Variants in STPG2 observed in about 807,000 individuals in gnomAD.
The protein encoded by STPG2 is sperm tail PG-rich repeat containing 2, also known as sperm-tail PG-rich repeat-containing protein 2.
In STPG2, 56 loss-of-function variants were observed where a neutral mutation model predicts 54.2. That is an observed-to-expected ratio of 1.03 (90% CI 0.83 to 1.29). The LOEUF (loss-of-function observed/expected upper bound fraction) is 1.29. Ranked by LOEUF, STPG2 falls within the 50% of genes most tolerant of loss-of-function variation. The probability of loss-of-function intolerance (pLI) is 0.00; values close to 1 mark genes in which losing one functional copy is unlikely to be tolerated. For synonymous variants in STPG2, 200 were observed against 181.8 expected (o/e 1.10, Z -0.81); for missense variants, 596 against 544.9 (o/e 1.09, Z -0.93).
Position 97,496,784 on chromosome 4 carries a change from T to C in STPG2, c.462+215915A>G, listed in dbSNP as rs375132323. Among the ~76,000 whole-genome samples, 22 of 151,834 alleles carry C rather than the reference T, an allele frequency of 1.4e-4. No homozygotes were observed. The East Asian group carries it at 2.0e-3, about 13-fold the overall frequency. ...TAATAATCTCCTACAAATGTACCTT[T>C]GGTTATGCTTTGACTTTGCTGAAAG... On this transcript the variant is annotated intron_variant, in intron 4 of 4. Coordinates refer to the STPG2 transcript ENST00000522676.
intron 5 of STPG2, among the ~76,000 whole-genome samples, chr4:97,993,327 T>A (rs1735081347): frequency 6.6e-6 from 1 of 152,158 alleles, no homozygotes; most frequent in South Asian, 2.1e-4. Flanking sequence ...TTTTTCTGTG[T>A]CTATTGAGAT....
chr4:97,472,179 CAG>C (rs1285567924), intron 4 of STPG2, among the ~76,000 whole-genome samples: 1 of 152,102 alleles, frequency 6.6e-6, no homozygotes, highest in Non-Finnish European at 1.5e-5. Context: ...TAAATAGAAA[CAG>C]AGAACCACAA....
intron 10 of STPG2, among the ~76,000 whole-genome samples, chr4:97,638,226 A>G (rs947065795): frequency 6.6e-6 from 1 of 152,178 alleles, no homozygotes; most frequent in Non-Finnish European, 1.5e-5. Flanking sequence ...CAAACCTGAC[A>G]AAAACAAGCA....
intron 9 of STPG2, 93 bp downstream of exon 9, chr4:97,840,680 A>G (rs1282740301): frequency 7.2e-7 from 1 of 1,395,056 alleles, no homozygotes; most frequent in African/African-American, 1.5e-5. Context: ...TTAACTTTTC[A>G]GTCTCCAAGA....
At chr4:97,851,358 A>G (rs541296530) in intron 8 of STPG2, among the ~76,000 whole-genome samples, 2 of 152,256 alleles carry the variant, frequency 1.3e-5, no homozygotes, top group South Asian at 2.1e-4. Flanking sequence ...GTATCTGTCT[A>G]CCTTGAGGCT....
intron 10 of STPG2, among the ~76,000 whole-genome samples, chr4:97,658,426 T>C (rs1722279112): frequency 6.6e-6 from 1 of 152,206 alleles, no homozygotes; most frequent in South Asian, 2.1e-4. Context: ...CATACTTTGG[T>C]AAAGAGACAG....
At chr4:97,655,312 T>TTTC (rs1722191212) in intron 10 of STPG2, among the ~76,000 whole-genome samples, 1 of 152,092 alleles carries the variant, frequency 6.6e-6, no homozygotes, top group African/African-American at 2.4e-5. Flanking sequence ...TGACCTAGAC[T>TTTC]TTCTATATTA....
intron 6 of STPG2, 82 bp from the exon 7 acceptor site, chr4:97,972,522 G>A (rs77565109): frequency 0.053 from 42,961 of 811,252 alleles, 1,388 homozygotes; most frequent in Non-Finnish European, 0.065. Flanking sequence ...TTAATTAAGG[G>A]TTTTTTTCTA....
chr4:97,956,784 G>A (rs548437332), intron 7 of STPG2, among the ~76,000 whole-genome samples: 1 of 152,292 alleles, frequency 6.6e-6, no homozygotes, highest in East Asian at 1.9e-4. Flanking sequence ...AATACAGCAA[G>A]GGGACACCCC....
chr4:98,013,738 T>A (rs1046438177), intron 5 of STPG2, among the ~76,000 whole-genome samples: 4 of 151,798 alleles, frequency 2.6e-5, no homozygotes, highest in African/African-American at 9.7e-5. Context: ...TTTTCTAGAT[T>A]TTCTAGTTTA....
intron 10 of STPG2, among the ~76,000 whole-genome samples, chr4:97,566,518 G>A (rs956373333): frequency 1.6e-4 from 24 of 152,256 alleles, no homozygotes; most frequent in Middle Eastern, 3.4e-3. Flanking sequence ...GAAATCACCC[G>A]TCTTCTGCGT....
chr4:97,664,201 G>A (rs944972566), intron 10 of STPG2, among the ~76,000 whole-genome samples: 1 of 152,096 alleles, frequency 6.6e-6, no homozygotes, highest in Non-Finnish European at 1.5e-5. Context: ...AAATGTAGAT[G>A]CAATTATTAC....
chr4:98,072,806 A>C (rs554966324), intron 5 of STPG2, among the ~76,000 whole-genome samples: 22 of 152,288 alleles, frequency 1.4e-4, no homozygotes, highest in African/African-American at 4.8e-4. Flanking sequence ...CTTATCAGCC[A>C]AATCTGTGGA....
At chr4:97,863,114 G>A (rs1170381240) in intron 8 of STPG2, among the ~76,000 whole-genome samples, 1 of 151,598 alleles carries the variant, frequency 6.6e-6, no homozygotes, top group Non-Finnish European at 1.5e-5. Context: ...AACTGAAGGA[G>A]ATAGAGACAC....
At chr4:98,040,184 G>A (rs7660866) in intron 5 of STPG2, among the ~76,000 whole-genome samples, 59,802 of 151,136 alleles carry the variant, frequency 0.4, 12,011 homozygotes, top group Middle Eastern at 0.46. Context: ...AGGGTTTGTC[G>A]TTCTTGTTTG....
intron 8 of STPG2, among the ~76,000 whole-genome samples, chr4:97,894,301 T>G (rs772944463): frequency 6.6e-5 from 10 of 151,970 alleles, no homozygotes; most frequent in Non-Finnish European, 1.5e-4. Flanking sequence ...GGTGTTAAAT[T>G]CCTACATTAA....
At chr4:98,066,002 A>C (rs564056041) in intron 5 of STPG2, among the ~76,000 whole-genome samples, 17 of 152,058 alleles carry the variant, frequency 1.1e-4, no homozygotes, top group African/African-American at 3.9e-4. Flanking sequence ...CATTAAATTT[A>C]ATAATTTAAT....
intron 4 of STPG2, among the ~76,000 whole-genome samples, chr4:97,501,712 G>C (rs1405505098): frequency 6.7e-6 from 1 of 150,356 alleles, no homozygotes; most frequent in African/African-American, 2.4e-5. Flanking sequence ...AAAAAGGAAA[G>C]AGTAAACAAT....
intron 9 of STPG2, among the ~76,000 whole-genome samples, chr4:97,749,189 C>A (rs2149044169): frequency 6.6e-6 from 1 of 151,784 alleles, no homozygotes; most frequent in East Asian, 1.9e-4. Context: ...ATTCTTCTTC[C>A]CACTACTAAT....
Sources: allele counts gnomAD v4.1 joint callset (sites outside exome capture counted in the v4.1 genomes callset), GRCh38; gene constraint gnomAD v4.1.1; transcripts MANE v1.5; gene names NCBI Gene and HGNC (gene_info 2026-07-23, HGNC 2026-07-21).